CLSTN2: variants seen among roughly 807,000 people sequenced by gnomAD.
CLSTN2 encodes calsyntenin 2, also known as calsyntenin-2.
A neutral mutation model predicts 101.2 loss-of-function variants in CLSTN2; 48 were observed. The observed-to-expected ratio is 0.47, with a 90% confidence interval of 0.38 to 0.60. CLSTN2 has a LOEUF of 0.60. CLSTN2 is among the 20% of genes least tolerant of loss of function. The pLI, the probability that CLSTN2 is intolerant of heterozygous loss-of-function variation, is 0.00. For synonymous variants in CLSTN2, 481 were observed against 463.6 expected, an observed-to-expected ratio of 1.04 and a Z score of -0.48; for missense variants, 1,160 against 1,238.2, an observed-to-expected ratio of 0.94 and a Z score of 0.95.
chr3:139,967,607 T>G (rs984536041), intron 1 of CLSTN2, among the ~76,000 whole-genome samples: 2 of 152,196 alleles, frequency 1.3e-5, no homozygotes, highest in African/African-American at 4.8e-5. Context: ...GTTTTCTCTG[T>G]ATTATTTTGT....
chr3:140,403,807 C>G lies in CLSTN2; in HGVS notation c.411C>G (p.Ala137=), dbSNP rs2088271526. The stretch of plus-strand genomic sequence containing the variant: ...GTGGTGCTGGGCCCCACGAGACAGC[C>G]TGGAAAAAGTCACACAAGTGAGTGG... ...YDCGAGPHET[A]WKKSHKAVVH... Residue 137 remains alanine, a synonymous_variant, in exon 3 of 17, where the codon GCC becomes GCG. Transcript: ENST00000458420. The G allele has an allele frequency of 6.2e-7, 1 of 1,610,642 alleles. No individual in the cohort carries two copies. The highest frequency in any genetic ancestry group is 8.5e-7 in the Non-Finnish European group (1 of 1,177,968).
chr3:140,148,441 A>G (rs1411751494), intron 1 of CLSTN2, among the ~76,000 whole-genome samples: 4 of 152,248 alleles, frequency 2.6e-5, no homozygotes, highest in African/African-American at 9.6e-5. Flanking sequence ...TGTTTGAGAC[A>G]GCCCAGCCTG....
intron 2 of CLSTN2, among the ~76,000 whole-genome samples, chr3:140,242,463 A>G (rs1298301987): frequency 6.6e-6 from 1 of 152,100 alleles, no homozygotes; most frequent in East Asian, 1.9e-4. Context: ...AAAGAGCCAT[A>G]TTGGAGCCCT....
intron 9 of CLSTN2, among the ~76,000 whole-genome samples, chr3:140,543,826 A>G (rs992123696): frequency 1.3e-5 from 2 of 152,232 alleles, no homozygotes; most frequent in African/African-American, 4.8e-5. Context: ...ACTGGCCTCA[A>G]TTTGTTCTCA....
chr3:139,961,849 C>T (rs116639704), intron 1 of CLSTN2, among the ~76,000 whole-genome samples: 3,121 of 152,140 alleles, frequency 0.021, 111 homozygotes, highest in African/African-American at 0.071. Flanking sequence ...AAAGGTATTT[C>T]AGAGATTTTT....
Position 140,345,550 on chromosome 3 carries a change from G to A in CLSTN2, c.233-58079G>A, listed in dbSNP as rs532237255. ...CAGCCATGAGCCACCGCGCCCGGCCGGATATAGCCTTTTTTTATGCAGGAT... is the reference window on the plus strand; with the variant it reads ...CAGCCATGAGCCACCGCGCCCGGCCAGATATAGCCTTTTTTTATGCAGGAT... On this transcript the variant is annotated intron_variant, in intron 2 of 16. Coordinates refer to ENST00000458420, the MANE Select transcript of CLSTN2 (RefSeq NM_022131.3). 1.1e-3 allele frequency among the ~76,000 whole-genome samples: 172 copies of A among 151,654 alleles called. 1 individual carries two copies. The highest frequency in any genetic ancestry group is 3.6e-3 in the African/African-American group (147 of 41,374).
chr3:140,254,735 A>T (rs191350081), intron 2 of CLSTN2, among the ~76,000 whole-genome samples: 154 of 152,288 alleles, frequency 1.0e-3, no homozygotes, highest in Non-Finnish European at 1.9e-3. Flanking sequence ...CCTAGAAGAA[A>T]ACCTAGGAAA....
At chr3:140,507,075 T>C (rs2107765464) in intron 8 of CLSTN2, 1 of 151,866 alleles carries the variant, frequency 6.6e-6, no homozygotes, top group Middle Eastern at 3.4e-3. Flanking sequence ...ACATCGGGGG[T>C]TGAGCCTCTT....
intron 8 of CLSTN2, among the ~76,000 whole-genome samples, chr3:140,475,747 G>A (rs574004896): frequency 1.2e-3 from 177 of 152,228 alleles, no homozygotes; most frequent in African/African-American, 4.1e-3. Flanking sequence ...CAGCAATTCC[G>A]TTTGCTTCTG....
rs141103498 is a variant in CLSTN2, at chr3:140,046,627, G to A, written c.109+111144G>A. Among the ~76,000 whole-genome samples the A allele has an allele frequency of 8.1e-3, 1,222 of 150,614 alleles. 16 individuals are homozygous for A. The highest frequency in any genetic ancestry group is 0.027 in the African/African-American group (1,076 of 39,970). ...CTAGCATCGATGGTCTTTACAATTT[G>A]GCATGTTTTTGCAGTGGCTGGTACC... On this transcript the variant is annotated intron_variant, in intron 1 of 16. Coordinates refer to ENST00000458420, the MANE Select transcript of CLSTN2 (RefSeq NM_022131.3).
intron 1 of CLSTN2, among the ~76,000 whole-genome samples, chr3:140,117,573 G>A (rs1291114354): frequency 1.3e-5 from 2 of 152,186 alleles, no homozygotes; most frequent in Non-Finnish European, 2.9e-5. Flanking sequence ...GCCTCTTGGG[G>A]TAGGAGAGGG....
chr3:139,948,918 T>C (rs140370577), intron 1 of CLSTN2, among the ~76,000 whole-genome samples: 5 of 152,272 alleles, frequency 3.3e-5, no homozygotes, highest in African/African-American at 1.2e-4. Flanking sequence ...TAGCCCAGTG[T>C]TGGAGTGAGC....
intron 8 of CLSTN2, among the ~76,000 whole-genome samples, chr3:140,504,561 A>T (rs926723047): frequency 7.9e-5 from 12 of 152,174 alleles, no homozygotes; most frequent in African/African-American, 2.9e-4. Flanking sequence ...AAGACTGTAT[A>T]ATCTGGTTCC....
intron 1 of CLSTN2, among the ~76,000 whole-genome samples, chr3:140,122,044 G>A (rs4605505): frequency 0.19 from 28,672 of 152,110 alleles, 3,282 homozygotes; most frequent in East Asian, 0.38. Context: ...GGAGAGGATT[G>A]TTAATTATAG....
intron 5 of CLSTN2, among the ~76,000 whole-genome samples, chr3:140,430,770 C>T (rs1576563607): frequency 6.6e-6 from 1 of 152,232 alleles, no homozygotes; most frequent in South Asian, 2.1e-4. Flanking sequence ...GCAAAGTTCA[C>T]TGCACAAAGG....
intron 1 of CLSTN2, among the ~76,000 whole-genome samples, chr3:139,966,148 G>A (rs1935594789): frequency 6.6e-6 from 1 of 152,132 alleles, no homozygotes; most frequent in Non-Finnish European, 1.5e-5. Flanking sequence ...ATCCAAGTAG[G>A]TCTTAGCTGT....
intron 2 of CLSTN2, among the ~76,000 whole-genome samples, chr3:140,214,736 C>A (rs149222795): frequency 6.1e-4 from 93 of 152,306 alleles, no homozygotes; most frequent in African/African-American, 1.9e-3. Context: ...GCTCATGTGG[C>A]AGACAGCTTT....
At chr3:140,211,845 G>A (rs1041055459) in intron 2 of CLSTN2, among the ~76,000 whole-genome samples, 3 of 152,030 alleles carry the variant, frequency 2.0e-5, no homozygotes, top group African/African-American at 4.8e-5. Flanking sequence ...AGAAAGAAAC[G>A]GATGCTTTTG....
chr3:140,558,556 A>G, intron 11 of CLSTN2, 84 bp from the exon 12 acceptor site: 1 of 1,069,636 alleles, frequency 9.3e-7, no homozygotes, highest in South Asian at 1.4e-5. Context: ...TAAGAACTGG[A>G]GGTGGCAACC....
Sources: allele counts gnomAD v4.1 joint callset (sites outside exome capture counted in the v4.1 genomes callset), GRCh38; gene constraint gnomAD v4.1.1; transcripts MANE v1.5; gene names NCBI Gene and HGNC (gene_info 2026-07-23, HGNC 2026-07-21).